PRPSAP2: variants seen among roughly 807,000 people sequenced by gnomAD.
PRPSAP2 encodes the protein phosphoribosyl pyrophosphate synthetase associated protein 2.
PRPSAP2 carries 24 observed loss-of-function variants against 40.6 expected under a neutral mutation model. The observed-to-expected ratio is 0.59, with a 90% CI of 0.43 to 0.83. PRPSAP2 has a LOEUF of 0.83. Among genes scored for constraint, PRPSAP2 ranks in the 40% least tolerant of loss-of-function variants. The pLI is 0.00. For missense variants in PRPSAP2, 292 were observed against 465.6 expected, an observed-to-expected ratio of 0.63 and a Z score of 3.43; for synonymous variants, 149 against 164.7, an observed-to-expected ratio of 0.90 and a Z score of 0.73.
At chr17:18,912,010 C>G (rs1380728739) in intron 9 of PRPSAP2, among the ~76,000 whole-genome samples, 2 of 152,124 alleles carry the variant, frequency 1.3e-5, no homozygotes, top group Admixed American at 1.3e-4. Context: ...TGGAGAAACC[C>G]CCTCTCTACT....
intron 4 of PRPSAP2, among the ~76,000 whole-genome samples, chr17:18,871,396 A>G (rs182297851): frequency 6.6e-6 from 1 of 151,870 alleles, no homozygotes; most frequent in Non-Finnish European, 1.5e-5. Context: ...ATTTTTTTTA[A>G]AAAATATCTC....
intron 4 of PRPSAP2, among the ~76,000 whole-genome samples, chr17:18,869,865 T>TGA (rs1555548081): frequency 1.2e-4 from 18 of 147,754 alleles, no homozygotes; most frequent in Admixed American, 6.9e-4. Flanking sequence ...TGTGTGTGTG[T>TGA]GAGACAGAGT....
At chr17:18,857,559 G>A (rs1468560770), upstream of PRPSAP2, among the ~76,000 whole-genome samples, 15 of 147,052 alleles carry the variant, frequency 1.0e-4, no homozygotes, top group Non-Finnish European at 2.1e-4. Context: ...GATTACAGGC[G>A]CGCACCACCA....
At chr17:18,915,724 C>T (rs2041267354) in intron 9 of PRPSAP2, among the ~76,000 whole-genome samples, 1 of 152,138 alleles carries the variant, frequency 6.6e-6, no homozygotes, top group Non-Finnish European at 1.5e-5. Context: ...CTCACTCACC[C>T]CCATAGGAAG....
intron 10 of PRPSAP2, among the ~76,000 whole-genome samples, chr17:18,927,259 C>T (rs769939484): frequency 2.0e-5 from 3 of 152,224 alleles, no homozygotes; most frequent in Non-Finnish European, 4.4e-5. Flanking sequence ...GACCCCACCA[C>T]CCAACACTGT....
intron 9 of PRPSAP2, among the ~76,000 whole-genome samples, chr17:18,912,097 G>A (rs1223438054): frequency 1.3e-5 from 2 of 151,938 alleles, no homozygotes; most frequent in African/African-American, 2.4e-5. Context: ...CAGGAGAATC[G>A]CTTGAACCCG....
At chr17:18,885,549 C>T (rs1444288253) in intron 7 of PRPSAP2, among the ~76,000 whole-genome samples, 7 of 151,756 alleles carry the variant, frequency 4.6e-5, no homozygotes, top group South Asian at 4.2e-4. Flanking sequence ...CTGCAGCCTC[C>T]GCCTCCTGGG....
At chr17:18,922,486 G>A (rs899332170) in intron 9 of PRPSAP2, among the ~76,000 whole-genome samples, 1 of 152,058 alleles carries the variant, frequency 6.6e-6, no homozygotes, top group African/African-American at 2.4e-5. Context: ...TGGGCATAAA[G>A]TGGCATCTCA....
chr17:18,889,680 C>T (rs899974353), intron 7 of PRPSAP2, 142 bp from the exon 8 acceptor site: 7 of 592,962 alleles, frequency 1.2e-5, no homozygotes, highest in African/African-American at 1.1e-4. Flanking sequence ...AGGCAGGTTC[C>T]TTTCTTCATT....
chr17:18,860,598 G>A (rs568824609), intron 1 of PRPSAP2: 1 of 152,344 alleles, frequency 6.6e-6, no homozygotes, highest in African/African-American at 2.4e-5. Flanking sequence ...TAAAGGCTGA[G>A]GCCCAGCAAG....
At chr17:18,892,847 G>A (rs892770865) in intron 8 of PRPSAP2, among the ~76,000 whole-genome samples, 1 of 151,806 alleles carries the variant, frequency 6.6e-6, no homozygotes, top group African/African-American at 2.4e-5. Context: ...CGATTCTCCT[G>A]CCTCAGCCTC....
intron 6 of PRPSAP2, among the ~76,000 whole-genome samples, chr17:18,878,105 TG>T (rs2038434743): frequency 1.3e-5 from 2 of 152,166 alleles, no homozygotes; most frequent in Admixed American, 1.3e-4. Context: ...TTGTAGATAC[TG>T]GGTCTTACTA....
At chr17:18,905,620 C>A (rs2040536263) in intron 8 of PRPSAP2, among the ~76,000 whole-genome samples, 1 of 151,404 alleles carries the variant, frequency 6.6e-6, no homozygotes, top group East Asian at 1.9e-4. Flanking sequence ...GCTCTTGTTG[C>A]CCAGGCTAGA....
chr17:18,897,453 G>GTTGTTGTTGTTGTTGTTGTTGT (rs1555555755), intron 8 of PRPSAP2, among the ~76,000 whole-genome samples: 22 of 150,598 alleles, frequency 1.5e-4, no homozygotes, highest in South Asian at 6.3e-4. Context: ...CTCTATAGTG[G>GTTGTTGTTGTTGTTGTTGTTGT]TGTTGTTGTT....
chr17:18,856,853 G>A (rs1350968520), upstream of PRPSAP2, among the ~76,000 whole-genome samples: 1 of 152,078 alleles, frequency 6.6e-6, no homozygotes, highest in East Asian at 1.9e-4. Context: ...GCTCTTGTGA[G>A]GATTAAATAA....
chr17:18,866,752 A>T (rs2037462046), intron 3 of PRPSAP2, among the ~76,000 whole-genome samples: 1 of 152,198 alleles, frequency 6.6e-6, no homozygotes, highest in South Asian at 2.1e-4. Flanking sequence ...GGAGCCAAAC[A>T]GAAATCAAGT....
At position 18,928,830 on chromosome 17, in the gene PRPSAP2, T is replaced by C. The variant is rs2042107627; in HGVS notation, c.824T>C (p.Val275Ala). The change falls in exon 11 of 12, where the codon GTT becomes GCT. Residue 275 changes from valine to alanine, a missense_variant. Val to Ala is a moderately conservative substitution (Grantham distance 64, BLOSUM62 0). Transcript: ENST00000268835. Reference protein sequence around the residue: ...AIIVDDIIDDVDSFLAAAETL... With the variant: ...AIIVDDIIDDADSFLAAAETL... ...TGGCAGGATGACATCATTGATGATG[T>C]TGACAGCTTTCTTGCTGCAGCAGAG... 6.2e-7 allele frequency: 1 copy of C among 1,614,034 alleles called. No homozygotes were observed. Among genetic ancestry groups the C allele is most frequent in the Non-Finnish European group, 8.5e-7 (1 of 1,179,916 alleles).
rs890402255 is a variant in PRPSAP2 at position 18,879,909 on chromosome 17, C to A, written c.412+2039C>A. Among the ~76,000 whole-genome samples, 6 of 151,934 alleles carry A rather than the reference C, an allele frequency of 3.9e-5. No homozygotes were observed. The South Asian group carries it at 6.2e-4, about 16-fold the overall frequency. On this transcript the variant is annotated intron_variant, in intron 6 of 11. Coordinates refer to ENST00000268835, the MANE Select transcript of PRPSAP2 (RefSeq NM_002767.4). ...GGTTGGGAGTTCAGAGCAGCCTAAC[C>A]AACATGGAAAAACCCCGTCTCTACT...
chr17:18,872,725 G>A (rs2037983062), intron 5 of PRPSAP2, 76 bp downstream of exon 5: 3 of 1,172,750 alleles, frequency 2.6e-6, no homozygotes, highest in African/African-American at 1.5e-5. Flanking sequence ...TAGATGGCTA[G>A]CCAGGAAGAG....
Sources: allele counts gnomAD v4.1 joint callset (sites outside exome capture counted in the v4.1 genomes callset), GRCh38; gene constraint gnomAD v4.1.1; transcripts MANE v1.5; gene names NCBI Gene and HGNC (gene_info 2026-07-23, HGNC 2026-07-21).